The following AFAP1 variants were observed in gnomAD, a reference collection of about 807,000 sequenced individuals.
The protein encoded by AFAP1 is actin filament associated protein 1.
AFAP1 carries 75 observed loss-of-function variants against 93.9 expected under a neutral mutation model. That is an observed-to-expected ratio of 0.80 (90% CI 0.66 to 0.97). The LOEUF (loss-of-function observed/expected upper bound fraction) is 0.97. AFAP1 is among the 50% of genes least tolerant of loss of function. The pLI, the probability that AFAP1 is intolerant of heterozygous loss-of-function variation, is 0.00. For missense variants in AFAP1, 1,201 were observed against 1,050.8 expected (o/e 1.14, Z -1.98); for synonymous variants, 517 against 430.7 (o/e 1.20, Z -2.48).
intron 1 of AFAP1, among the ~76,000 whole-genome samples, chr4:7,923,813 G>A (rs1333509796): frequency 2.0e-5 from 3 of 152,112 alleles, no homozygotes; most frequent in South Asian, 2.1e-4. Flanking sequence ...CAGGGCCCAC[G>A]CTCATGACCT....
chr4:7,821,753 G>T (rs768130434), intron 6 of AFAP1, among the ~76,000 whole-genome samples: 7 of 152,210 alleles, frequency 4.6e-5, no homozygotes, highest in Non-Finnish European at 1.0e-4. Flanking sequence ...TCCACAGACA[G>T]ATCCAAATTC....
At position 7,915,123 on chromosome 4, in the gene AFAP1, A is replaced by T. The variant is rs1720012581; in HGVS notation, c.-3+24533T>A. Among the ~76,000 whole-genome samples the T allele has an allele frequency of 3.9e-5, 6 of 152,284 alleles. No homozygotes were observed. The South Asian group carries it at 1.2e-3, about 32-fold the overall frequency. On this transcript the variant is annotated intron_variant, in intron 1 of 17. Transcript: ENST00000420658. Reference sequence around the variant, plus strand: ...GGTTTCAAACTCCTGACATCCGGTGATCTGCCCGCCTCGGCCTCCCAAAGT... The same window carrying T: ...GGTTTCAAACTCCTGACATCCGGTGTTCTGCCCGCCTCGGCCTCCCAAAGT...
chr4:7,895,444 TTA>T (rs2149211535), intron 1 of AFAP1, among the ~76,000 whole-genome samples: 1 of 152,340 alleles, frequency 6.6e-6, no homozygotes, highest in East Asian at 1.9e-4. Context: ...TAAAGAGCGG[TTA>T]TGAGGATTAA....
At chr4:7,811,635 G>A (rs1720052071) in intron 8 of AFAP1, among the ~76,000 whole-genome samples, 1 of 152,106 alleles carries the variant, frequency 6.6e-6, no homozygotes, top group African/African-American at 2.4e-5. Flanking sequence ...TGGTCCTATA[G>A]CGTTAGTGCC....
chr4:7,803,495 GCCACAGGGGGACCGGCCCTGATCCCCAA>G (rs988078253), intron 9 of AFAP1, among the ~76,000 whole-genome samples: 13 of 151,978 alleles, frequency 8.6e-5, no homozygotes, highest in African/African-American at 3.1e-4. Context: ...GCAATTCCTA[GCCACAGGGGGACCGGCCCTGATCCCCAA>G]CCACAGGGGA....
chr4:7,923,702 T>A (rs1462946771), intron 1 of AFAP1, among the ~76,000 whole-genome samples: 1 of 152,200 alleles, frequency 6.6e-6, no homozygotes, highest in Non-Finnish European at 1.5e-5. Context: ...CCTGACCTTG[T>A]GATCTGCCCA....
rs552421763 is a variant in AFAP1, at chr4:7,923,838, C to T, written c.-3+15818G>A. 2.6e-5 allele frequency among the ~76,000 whole-genome samples: 4 copies of T among 152,282 alleles called. No homozygotes were observed. In the East Asian group the frequency reaches 5.8e-4, roughly 22 times the overall value. On this transcript the variant is annotated intron_variant, in intron 1 of 17. Coordinates refer to ENST00000420658, the MANE Select transcript of AFAP1 (RefSeq NM_001134647.2). ...GCTCATGACCTCATCTAACCCTAAT[C>T]ACCTCCCAAAGGTCCCATCCCCTAA...
intron 3 of AFAP1, among the ~76,000 whole-genome samples, chr4:7,857,089 A>T (rs1424015600): frequency 2.6e-5 from 4 of 152,166 alleles, no homozygotes; most frequent in African/African-American, 9.7e-5. Context: ...TATGAATAGC[A>T]TGCAACAATT....
intron 1 of AFAP1, among the ~76,000 whole-genome samples, chr4:7,931,102 A>G (rs565188921): frequency 1.3e-5 from 2 of 152,318 alleles, no homozygotes; most frequent in South Asian, 4.1e-4. Flanking sequence ...CGTGGGCAAC[A>G]GGAGGAGCGG....
chr4:7,818,929 G>T, intron 7 of AFAP1, 147 bp downstream of exon 7: 1 of 671,722 alleles, frequency 1.5e-6, no homozygotes, highest in Non-Finnish European at 2.4e-6. Flanking sequence ...GCGCAAAGCA[G>T]GCAGTTAAAA....
intron 1 of AFAP1, among the ~76,000 whole-genome samples, chr4:7,918,365 G>C (rs1224989103): frequency 6.8e-6 from 1 of 147,676 alleles, no homozygotes; most frequent in Non-Finnish European, 1.5e-5. Context: ...ACTCAGCCCA[G>C]GTCACCAGGA....
chr4:7,876,725 A>C (rs181309196), intron 1 of AFAP1, among the ~76,000 whole-genome samples: 3 of 152,326 alleles, frequency 2.0e-5, no homozygotes, highest in South Asian at 4.1e-4. Flanking sequence ...GTATCATTCT[A>C]ATAAATTTTC....
Position 7,772,833 on chromosome 4 carries a change from G to T in AFAP1, c.2240C>A (p.Thr747Lys), listed in dbSNP as rs1027730665. 8 of 1,613,880 alleles carry T rather than the reference G, an allele frequency of 5.0e-6. No individual in the cohort carries two copies. Among genetic ancestry groups the T allele is most frequent in the Non-Finnish European group, 6.8e-6 (8 of 1,180,006 alleles). Residue 747 changes from threonine (T) to lysine (K), a missense_variant, in exon 16 of 18, where the codon ACA becomes AAA. Transcript: ENST00000420658. ...LGLAIEPKSG[T>K]SSPQSPVFRH... ...AAGGACACACACCTGTGGACTCGATGTCCCTGACTTGGGCTCGATGGCCAG... is the reference window on the plus strand; with the variant it reads ...AAGGACACACACCTGTGGACTCGATTTCCCTGACTTGGGCTCGATGGCCAG...
intron 1 of AFAP1, among the ~76,000 whole-genome samples, chr4:7,931,289 C>T (rs7698368): frequency 0.36 from 54,447 of 152,084 alleles, 10,611 homozygotes; most frequent in African/African-American, 0.5. Context: ...ATTTCTGACT[C>T]TTAGAACTGT....
intron 3 of AFAP1, among the ~76,000 whole-genome samples, chr4:7,856,483 G>A (rs532258558): frequency 6.6e-6 from 1 of 152,192 alleles, no homozygotes; most frequent in South Asian, 2.1e-4. Flanking sequence ...CTCGTGATCA[G>A]CCCGCCTTGG....
intron 12 of AFAP1, among the ~76,000 whole-genome samples, chr4:7,782,726 T>C (rs571323819): frequency 2.6e-5 from 4 of 152,362 alleles, no homozygotes; most frequent in Admixed American, 2.6e-4. Flanking sequence ...TCCTGCATAG[T>C]CCTTTCTGCC....
rs993696229 is a variant in AFAP1, at chr4:7,856,150, T to C, written c.226-576A>G. 2.6e-5 allele frequency among the ~76,000 whole-genome samples: 4 copies of C among 152,168 alleles called. 1 individual carries two copies. The highest frequency in any genetic ancestry group is 4.1e-4 in the South Asian group (2 of 4,826). On this transcript the variant is annotated intron_variant, in intron 3 of 17. Coordinates refer to ENST00000420658, the MANE Select transcript of AFAP1 (RefSeq NM_001134647.2). ...TATCCCTATTGTGTGCTAGGAAAAC[T>C]TTAAAAAAGCAAATCACCTGGGAGC...
chr4:7,910,817 G>C (rs1719682767), intron 1 of AFAP1, among the ~76,000 whole-genome samples: 1 of 152,210 alleles, frequency 6.6e-6, no homozygotes. Flanking sequence ...GTATGTGATA[G>C]ACGAAAATCA....
intron 1 of AFAP1, among the ~76,000 whole-genome samples, chr4:7,931,216 A>G (rs1481367291): frequency 6.6e-6 from 1 of 152,202 alleles, no homozygotes; most frequent in Admixed American, 6.5e-5. Flanking sequence ...CCTCCAAGGA[A>G]CAGGGATCAG....
Sources: allele counts gnomAD v4.1 joint callset (sites outside exome capture counted in the v4.1 genomes callset), GRCh38; gene constraint gnomAD v4.1.1; transcripts MANE v1.5; gene names NCBI Gene and HGNC (gene_info 2026-07-23, HGNC 2026-07-21).